Variants in CSMD1 observed in about 807,000 individuals in gnomAD.
The protein encoded by CSMD1 is CUB and sushi domain-containing protein 1.
Under a neutral mutation model 417.5 loss-of-function variants are expected in CSMD1, and 213 were observed. That is an observed-to-expected ratio of 0.51 (90% CI 0.46 to 0.57). The LOEUF is 0.57. CSMD1 is among the 20% of genes least tolerant of loss of function. The pLI, the probability that CSMD1 is intolerant of heterozygous loss-of-function variation, is 0.00. For missense variants in CSMD1, 6,923 were observed against 4,529.7 expected, an observed-to-expected ratio of 1.53 and a Z score of -15.17; for synonymous variants, 2,862 against 1,736.8, an observed-to-expected ratio of 1.65 and a Z score of -16.11.
intron 41 of CSMD1, among the ~76,000 whole-genome samples, chr8:3,141,891 G>A (rs374230177): frequency 1.3e-4 from 19 of 150,982 alleles, no homozygotes; most frequent in South Asian, 1.1e-3. Flanking sequence ...TCCGCCTCCC[G>A]GGTTCACGCC....
chr8:3,796,431 T>G (rs1428536038), intron 5 of CSMD1, among the ~76,000 whole-genome samples: 1 of 116,440 alleles, frequency 8.6e-6, no homozygotes, highest in Admixed American at 9.4e-5. Flanking sequence ...TGTATAGATA[T>G]ATATATCTAT....
intron 1 of CSMD1, among the ~76,000 whole-genome samples, chr8:4,751,991 C>T (rs768181755): frequency 6.6e-5 from 10 of 152,032 alleles, no homozygotes; most frequent in African/African-American, 9.7e-5. Flanking sequence ...TGTATATATG[C>T]GTGTATACAC....
At chr8:3,697,336 A>G (rs1158949675) in intron 7 of CSMD1, among the ~76,000 whole-genome samples, 2 of 152,226 alleles carry the variant, frequency 1.3e-5, no homozygotes, top group Non-Finnish European at 2.9e-5. Context: ...TGTGTTTTAA[A>G]TAAAACCAGG....
At chr8:4,171,668 C>G (rs1584953132) in intron 3 of CSMD1, among the ~76,000 whole-genome samples, 2 of 149,622 alleles carry the variant, frequency 1.3e-5, no homozygotes, top group East Asian at 1.9e-4. Flanking sequence ...TGCAGATAAA[C>G]TGGTAGAATA....
chr8:4,877,821 C>T (rs989047220), intron 1 of CSMD1, among the ~76,000 whole-genome samples: 3 of 151,954 alleles, frequency 2.0e-5, no homozygotes, highest in African/African-American at 7.3e-5. Context: ...ACTAACAGGC[C>T]CGTCTTCTTT....
chr8:3,390,954 G>A (rs968412224), intron 17 of CSMD1, among the ~76,000 whole-genome samples: 1 of 152,060 alleles, frequency 6.6e-6, no homozygotes, highest in Non-Finnish European at 1.5e-5. Context: ...AGTGAGCCAA[G>A]AAATTAAGCA....
At chr8:3,757,405 C>A (rs1049789728) in intron 5 of CSMD1, among the ~76,000 whole-genome samples, 4 of 152,140 alleles carry the variant, frequency 2.6e-5, no homozygotes, top group African/African-American at 4.8e-5. Context: ...TTTACGGACA[C>A]TGAGATTTTA....
chr8:3,931,939 T>C (rs1445463383), intron 5 of CSMD1, among the ~76,000 whole-genome samples: 2 of 148,926 alleles, frequency 1.3e-5, no homozygotes, highest in Non-Finnish European at 3.0e-5. Flanking sequence ...CAATTGTAGC[T>C]GTAGAATCTA....
At chr8:3,636,992 C>T (rs1273556771) in intron 7 of CSMD1, among the ~76,000 whole-genome samples, 1 of 152,104 alleles carries the variant, frequency 6.6e-6, no homozygotes, top group African/African-American at 2.4e-5. Flanking sequence ...CTCTCTTTCT[C>T]TCTGCTTGTT....
In CSMD1 at chr8:3,372,335, G is replaced by C. The variant is rs574255186; in HGVS notation, c.2783-2965C>G. 5.9e-5 allele frequency among the ~76,000 whole-genome samples: 9 copies of C among 152,238 alleles called. No individual in the cohort carries two copies. The East Asian group carries it at 1.7e-3, about 29-fold the overall frequency. ...TCTGTGACTGGGGGGTCCTTGTAAG[G>C]GTTGGAGGTTTCTTTCAGTGACATG... On this transcript the variant is annotated intron_variant, in intron 18 of 69. Coordinates refer to ENST00000635120, the MANE Select transcript of CSMD1 (RefSeq NM_033225.6).
At chr8:3,093,840 G>A (rs28505886) in intron 47 of CSMD1, among the ~76,000 whole-genome samples, 1 of 152,114 alleles carries the variant, frequency 6.6e-6, no homozygotes, top group African/African-American at 2.4e-5. Context: ...GAGAAGAAAT[G>A]ATATTAATAG....
intron 12 of CSMD1, among the ~76,000 whole-genome samples, chr8:3,446,616 G>T (rs956743451): frequency 6.6e-6 from 1 of 152,188 alleles, no homozygotes; most frequent in Non-Finnish European, 1.5e-5. Flanking sequence ...GTTTCACTCT[G>T]TGTAGACAAA....
At chr8:4,569,025 T>A (rs1002327664) in intron 2 of CSMD1, among the ~76,000 whole-genome samples, 2 of 152,186 alleles carry the variant, frequency 1.3e-5, no homozygotes, top group African/African-American at 4.8e-5. Flanking sequence ...TAACTCTTTG[T>A]CAGATGGATA....
chr8:4,388,236 A>G (rs1021749370), intron 3 of CSMD1, among the ~76,000 whole-genome samples: 3 of 151,818 alleles, frequency 2.0e-5, no homozygotes, highest in Non-Finnish European at 4.4e-5. Flanking sequence ...TTACAGTGGA[A>G]TTCACAATTG....
intron 10 of CSMD1, among the ~76,000 whole-genome samples, chr8:3,534,899 G>A (rs888499927): frequency 1.3e-5 from 2 of 152,148 alleles, no homozygotes; most frequent in Non-Finnish European, 2.9e-5. Flanking sequence ...AAATGGTTTA[G>A]TCCAGAATTC....
intron 51 of CSMD1, among the ~76,000 whole-genome samples, chr8:3,028,307 G>C (rs577202674): frequency 6.6e-6 from 1 of 152,204 alleles, no homozygotes; most frequent in South Asian, 2.1e-4. Flanking sequence ...ATCTGTGCAC[G>C]ACTGGCAAGA....
At chr8:4,394,536 C>T (rs150596463) in intron 3 of CSMD1, among the ~76,000 whole-genome samples, 1 of 152,208 alleles carries the variant, frequency 6.6e-6, no homozygotes, top group African/African-American at 2.4e-5. Flanking sequence ...TCAGCCTAAA[C>T]TCATTGCTTT....
intron 41 of CSMD1, among the ~76,000 whole-genome samples, chr8:3,124,945 C>T (rs113336668): frequency 0.02 from 2,970 of 152,258 alleles, 84 homozygotes; most frequent in African/African-American, 0.061. Context: ...TAAGTAAGAG[C>T]ATCAGTTACA....
At chr8:3,296,188 G>C (rs540774655) in intron 25 of CSMD1, among the ~76,000 whole-genome samples, 13 of 152,048 alleles carry the variant, frequency 8.5e-5, no homozygotes, top group Admixed American at 5.2e-4. Flanking sequence ...AAATGGGGTG[G>C]TTAGGCTAAG....
Sources: allele counts gnomAD v4.1 joint callset (sites outside exome capture counted in the v4.1 genomes callset), GRCh38; gene constraint gnomAD v4.1.1; transcripts MANE v1.5; gene names NCBI Gene and HGNC (gene_info 2026-07-23, HGNC 2026-07-21).